FYN: variants seen among roughly 807,000 people sequenced by gnomAD.
The protein encoded by FYN is FYN proto-oncogene, Src family tyrosine kinase.
FYN carries 10 observed loss-of-function variants against 70.2 expected under a neutral mutation model. That is an observed-to-expected ratio of 0.14 (90% CI 0.09 to 0.24). FYN has a LOEUF of 0.24. Ranked by LOEUF, FYN falls within the 10% of genes least tolerant of loss-of-function variation. The pLI is 1.00. For synonymous variants in FYN, 236 were observed against 248.6 expected, an observed-to-expected ratio of 0.95 and a Z score of 0.48; for missense variants, 319 against 673.1, an observed-to-expected ratio of 0.47 and a Z score of 5.82.
intron 2 of FYN, among the ~76,000 whole-genome samples, chr6:111,820,495 A>G (rs1210519517): frequency 6.6e-6 from 1 of 152,116 alleles, no homozygotes; most frequent in East Asian, 1.9e-4. Flanking sequence ...TGAGAAATAG[A>G]TTAACTGTAC....
chr6:111,772,176 T>C (rs1038527888), intron 3 of FYN, among the ~76,000 whole-genome samples: 6 of 152,006 alleles, frequency 3.9e-5, no homozygotes, highest in Non-Finnish European at 8.8e-5. Context: ...TATTCCTTCT[T>C]AACCCAAGGG....
rs566744577 is a variant in FYN at position 111,835,574 on chromosome 6, C to T, written c.-82+11015G>A. On this transcript the variant is annotated intron_variant, in intron 2 of 13. Transcript: ENST00000354650. ...AAGTCCTGCCCCTGTACCCTTTCCCCATTGGCCAGGGTCGGTTCATACAAT... is the reference window on the plus strand; with the variant it reads ...AAGTCCTGCCCCTGTACCCTTTCCCTATTGGCCAGGGTCGGTTCATACAAT... 3.9e-5 allele frequency among the ~76,000 whole-genome samples: 6 copies of T among 152,346 alleles called. No homozygotes were observed. The South Asian group carries it at 1.0e-3, about 26-fold the overall frequency.
intron 3 of FYN, among the ~76,000 whole-genome samples, chr6:111,774,987 G>A (rs1042814464): frequency 3.9e-5 from 6 of 152,176 alleles, no homozygotes; most frequent in Admixed American, 1.3e-4. Flanking sequence ...CCAAAGTGCT[G>A]GGATTACAGG....
chr6:111,723,861 G>A (rs1801067090), intron 3 of FYN, among the ~76,000 whole-genome samples: 1 of 152,204 alleles, frequency 6.6e-6, no homozygotes, highest in East Asian at 1.9e-4. Context: ...GGGAAACACT[G>A]AATGATGCCA....
chr6:111,871,385 C>G (rs547438005), intron 1 of FYN, among the ~76,000 whole-genome samples: 68 of 152,266 alleles, frequency 4.5e-4, no homozygotes, highest in African/African-American at 1.6e-3. Flanking sequence ...GAAGACAGTA[C>G]ATAGGGTGGA....
At chr6:111,773,625 A>AGGGAGAGAGGGGGAGGG (rs1562515469) in intron 3 of FYN, among the ~76,000 whole-genome samples, 1 of 38,824 alleles carries the variant, frequency 2.6e-5, no homozygotes, top group Non-Finnish European at 4.6e-5. Flanking sequence ...AGAGAGGGGG[A>AGGGAGAGAGGGGGAGGG]AAGGAGAGGG....
At chr6:111,676,346 T>C (rs538179622) in intron 12 of FYN, 1 of 152,326 alleles carries the variant, frequency 6.6e-6, no homozygotes, top group South Asian at 2.1e-4. Context: ...TATTCTATAG[T>C]TTTCCTTTTA....
chr6:111,698,299 A>G (rs1170996292), intron 9 of FYN, among the ~76,000 whole-genome samples: 1 of 151,938 alleles, frequency 6.6e-6, no homozygotes, highest in Non-Finnish European at 1.5e-5. Context: ...ATGCCCGGCT[A>G]ATTTTGTATT....
chr6:111,726,798 T>C (rs963139237), intron 3 of FYN, among the ~76,000 whole-genome samples: 20 of 152,280 alleles, frequency 1.3e-4, no homozygotes, highest in African/African-American at 4.6e-4. Flanking sequence ...CAGGTGGAGG[T>C]AATCGAATTA....
chr6:111,780,124 C>A (rs1310817396), intron 3 of FYN, among the ~76,000 whole-genome samples: 3 of 152,166 alleles, frequency 2.0e-5, no homozygotes, highest in Admixed American at 2.0e-4. Context: ...GGCTCCCAGG[C>A]AAGCTGGACT....
chr6:111,727,819 T>C (rs914856744), intron 3 of FYN, among the ~76,000 whole-genome samples: 1 of 152,236 alleles, frequency 6.6e-6, no homozygotes, highest in Non-Finnish European at 1.5e-5. Context: ...TAAGCCATAC[T>C]GCTGGCACCT....
At chr6:111,857,696 GA>G (rs1554297008) in intron 1 of FYN, among the ~76,000 whole-genome samples, 3 of 135,286 alleles carry the variant, frequency 2.2e-5, no homozygotes, top group East Asian at 2.0e-4. Flanking sequence ...ACTTATGGCA[GA>G]AAAAAAAACA....
At chr6:111,790,237 GAACCTTAGATACACAC>G (rs1195605305) in intron 2 of FYN, among the ~76,000 whole-genome samples, 1 of 125,570 alleles carries the variant, frequency 8.0e-6, no homozygotes, top group Non-Finnish European at 1.6e-5. Flanking sequence ...TGGTAGTTCT[GAACCTTAGATACACAC>G]ACACACACAC....
intron 2 of FYN, among the ~76,000 whole-genome samples, chr6:111,842,964 G>C (rs1773409603): frequency 1.3e-5 from 2 of 152,196 alleles, no homozygotes; most frequent in African/African-American, 4.8e-5. Context: ...TAAGGCAGGA[G>C]GTAATTTTTC....
chr6:111,683,169 C>G (rs775488345), intron 12 of FYN, among the ~76,000 whole-genome samples: 5 of 152,200 alleles, frequency 3.3e-5, no homozygotes, highest in Non-Finnish European at 7.3e-5. Flanking sequence ...ACTTCACGGG[C>G]AAACCCAACA....
chr6:111,856,317 AG>A (rs1773821917), intron 1 of FYN, among the ~76,000 whole-genome samples: 1 of 152,210 alleles, frequency 6.6e-6, no homozygotes, highest in Non-Finnish European at 1.5e-5. Flanking sequence ...TACACATAGA[AG>A]CCAATCAAAG....
At chr6:111,781,886 T>C (rs1383506181) in intron 2 of FYN, among the ~76,000 whole-genome samples, 1 of 152,262 alleles carries the variant, frequency 6.6e-6, no homozygotes, top group Non-Finnish European at 1.5e-5. Flanking sequence ...TACTGTAATT[T>C]TGAAGTACTA....
intron 9 of FYN, among the ~76,000 whole-genome samples, chr6:111,698,610 T>C (rs760813958): frequency 3.2e-4 from 48 of 152,214 alleles, no homozygotes; most frequent in Non-Finnish European, 2.1e-4. Flanking sequence ...CCATGAATTG[T>C]TTCTAAGCAA....
chr6:111,866,544 G>A (rs927296363), intron 1 of FYN, among the ~76,000 whole-genome samples: 2 of 152,302 alleles, frequency 1.3e-5, no homozygotes, highest in African/African-American at 4.8e-5. Context: ...GTTTCGCCGT[G>A]TTGGCCAGGC....
Sources: gnomAD v4.1 joint callset for allele counts (sites outside exome capture counted in the v4.1 genomes callset) on GRCh38, gnomAD v4.1.1 for gene constraint, MANE v1.5 for transcripts, NCBI Gene and HGNC (gene_info 2026-07-23, HGNC 2026-07-21) for gene names.